Variants in CELF4 observed in about 807,000 individuals in gnomAD.
The protein encoded by CELF4 is CUGBP Elav-like family member 4, also known as CUG-BP- and ETR-3-like factor 4.
CELF4 carries 18 observed loss-of-function variants against 59.9 expected under a neutral mutation model. The observed-to-expected ratio is 0.30, with a 90% CI of 0.21 to 0.45. The LOEUF (loss-of-function observed/expected upper bound fraction) is 0.45. Ranked by LOEUF, CELF4 falls within the 20% of genes least tolerant of loss-of-function variation. CELF4 has a pLI of 1.00. For missense variants in CELF4, 456 were observed against 689.0 expected, an observed-to-expected ratio of 0.66 and a Z score of 3.79; for synonymous variants, 261 against 267.1, an observed-to-expected ratio of 0.98 and a Z score of 0.22.
At chr18:37,287,529 C>T (rs750493804) in intron 3 of CELF4, among the ~76,000 whole-genome samples, 2 of 152,240 alleles carry the variant, frequency 1.3e-5, no homozygotes, top group African/African-American at 2.4e-5. Context: ...TGCAAGCCCC[C>T]TCTTCTTCCT....
Position 37,243,188 on chromosome 18 carries a change from T to TTC in CELF4, c.*2053_*2054insGA, listed in dbSNP as rs1278980211. 5.3e-5 allele frequency: 7 copies of TTC among 132,824 alleles called. No homozygotes were observed. Among genetic ancestry groups the TTC allele is most frequent in the Non-Finnish European group, 1.1e-4 (7 of 62,300 alleles). 8.2% of individuals were successfully genotyped at this position (132,824 alleles called of 1,614,324 possible). A position where few individuals can be genotyped will look rare whatever the true frequency, so the allele number is the denominator to read the frequency against. ...TTTTCTTTTTTTTTTCTTTTTTTCT[T>TTC]TTTTTTTTTTTTTTTTTTACATCTG... is the stretch of plus-strand genomic sequence containing the variant. On this transcript the variant is annotated 3_prime_UTR_variant, in exon 13 of 13. Coordinates refer to ENST00000420428, the MANE Select transcript of CELF4 (RefSeq NM_020180.4).
At chr18:37,395,489 GA>G (rs1569568678) in intron 2 of CELF4, among the ~76,000 whole-genome samples, 1 of 152,182 alleles carries the variant, frequency 6.6e-6, no homozygotes, top group African/African-American at 2.4e-5. Context: ...TAGGGGAAGG[GA>G]ACCACAGTAT....
chr18:37,513,343 G>C (rs1050457787), intron 1 of CELF4, among the ~76,000 whole-genome samples: 11 of 152,182 alleles, frequency 7.2e-5, no homozygotes, highest in African/African-American at 2.4e-4. Flanking sequence ...TCATCTGGGA[G>C]GTGGGATGGA....
At chr18:37,383,869 C>T (rs747275387) in intron 2 of CELF4, among the ~76,000 whole-genome samples, 8 of 152,158 alleles carry the variant, frequency 5.3e-5, no homozygotes, top group Admixed American at 2.0e-4. Flanking sequence ...GCTAGGAAGG[C>T]GGCAGACCCT....
intron 2 of CELF4, among the ~76,000 whole-genome samples, chr18:37,461,323 G>T (rs960159075): frequency 2.6e-5 from 4 of 152,162 alleles, no homozygotes; most frequent in Non-Finnish European, 5.9e-5. Flanking sequence ...TAATTGACTG[G>T]CAGTTCAGCA....
intron 9 of CELF4, among the ~76,000 whole-genome samples, chr18:37,265,649 G>A (rs115634854): frequency 0.013 from 2,017 of 152,246 alleles, 52 homozygotes; most frequent in African/African-American, 0.046. Context: ...AGGAGTGGCC[G>A]GCTCCCTCCT....
At chr18:37,331,323 T>C (rs2097534841) in intron 2 of CELF4, among the ~76,000 whole-genome samples, 1 of 152,072 alleles carries the variant, frequency 6.6e-6, no homozygotes, top group South Asian at 2.1e-4. Flanking sequence ...GTCACAAGCC[T>C]TTGCCTCCTC....
At chr18:37,516,431 G>T (rs2099950708) in intron 1 of CELF4, among the ~76,000 whole-genome samples, 1 of 152,162 alleles carries the variant, frequency 6.6e-6, no homozygotes, top group African/African-American at 2.4e-5. Context: ...CACTAGCCTG[G>T]CTCCTGGCCA....
At chr18:37,446,703 C>T (rs771295223) in intron 2 of CELF4, among the ~76,000 whole-genome samples, 9 of 152,128 alleles carry the variant, frequency 5.9e-5, no homozygotes, top group Non-Finnish European at 1.2e-4. Context: ...CCTCCTCTCT[C>T]TACCTCTCCC....
At chr18:37,563,307 G>A (rs1054598056) in intron 1 of CELF4, among the ~76,000 whole-genome samples, 1 of 152,090 alleles carries the variant, frequency 6.6e-6, no homozygotes, top group Admixed American at 6.6e-5. Context: ...TAATCCAGAT[G>A]CCATATGAAG....
At chr18:37,433,589 C>G (rs1357470414) in intron 2 of CELF4, among the ~76,000 whole-genome samples, 1 of 152,198 alleles carries the variant, frequency 6.6e-6, no homozygotes, top group East Asian at 1.9e-4. Flanking sequence ...GGAGTTATCT[C>G]AAAGTGCCAG....
intron 7 of CELF4, among the ~76,000 whole-genome samples, chr18:37,272,029 GAGTAGTGTTCA>G (rs1271522850): frequency 6.6e-6 from 1 of 152,180 alleles, no homozygotes; most frequent in African/African-American, 2.4e-5. Context: ...CAGAGGTGAA[GAGTAGTGTTCA>G]AGTTGAGCCC....
intron 2 of CELF4, among the ~76,000 whole-genome samples, chr18:37,367,950 C>A (rs1302529498): frequency 1.3e-5 from 2 of 151,990 alleles, no homozygotes; most frequent in Non-Finnish European, 2.9e-5. Flanking sequence ...CATCTTCCAG[C>A]AGAGTCAGGG....
At chr18:37,321,766 G>A in intron 3 of CELF4, 37 bp downstream of exon 3, 10 of 1,456,734 alleles carry the variant, frequency 6.9e-6, no homozygotes, top group Non-Finnish European at 8.6e-6. Flanking sequence ...AGGAGTGAGA[G>A]GGGGAGGGGG....
chr18:37,331,047 C>T (rs949797620), intron 2 of CELF4, among the ~76,000 whole-genome samples: 1 of 152,272 alleles, frequency 6.6e-6, no homozygotes, highest in African/African-American at 2.4e-5. Context: ...TCCCACTCCC[C>T]ACTCTGAGGA....
chr18:37,482,272 A>C (rs2099869959), intron 2 of CELF4, among the ~76,000 whole-genome samples: 1 of 152,160 alleles, frequency 6.6e-6, no homozygotes, highest in South Asian at 2.1e-4. Context: ...GTGAATAGTG[A>C]AACAAATTTT....
intron 2 of CELF4, among the ~76,000 whole-genome samples, chr18:37,325,103 A>G (rs1051971179): frequency 1.3e-5 from 2 of 152,028 alleles, no homozygotes; most frequent in Non-Finnish European, 1.5e-5. Flanking sequence ...CCTGGCTGAG[A>G]AGGGGCAGGC....
intron 2 of CELF4, among the ~76,000 whole-genome samples, chr18:37,414,479 T>C (rs1603637741): frequency 6.7e-6 from 1 of 149,438 alleles, no homozygotes; most frequent in Non-Finnish European, 1.5e-5. Context: ...TCTACCCATC[T>C]ACTCATTTTT....
rs533489632 is a variant in CELF4, at chr18:37,310,607, G to C, written c.448+11196C>G. ...AGGCCAGGCAGGTGCTACCACTTCT[G>C]ATCTCTCTGGTTCATGCCGTCTCAT... On this transcript the variant is annotated intron_variant, in intron 3 of 12. Transcript: ENST00000420428. 2.1e-4 allele frequency among the ~76,000 whole-genome samples: 32 copies of C among 152,226 alleles called. No homozygotes were observed. The East Asian group carries it at 5.4e-3, about 26-fold the overall frequency.
Sources: allele counts gnomAD v4.1 joint callset (sites outside exome capture counted in the v4.1 genomes callset), GRCh38; gene constraint gnomAD v4.1.1; transcripts MANE v1.5; gene names NCBI Gene and HGNC (gene_info 2026-07-23, HGNC 2026-07-21).